The following C2 variants were observed in gnomAD, a reference collection of about 807,000 sequenced individuals.
The protein encoded by C2 is C3/C5 convertase.
Under a neutral mutation model 85.2 loss-of-function variants are expected in C2, and 64 were observed. The ratio of observed to expected loss-of-function variants is 0.75; its 90% CI spans 0.61 to 0.92. The LOEUF is 0.92. C2 is among the 40% of genes least tolerant of loss of function. The pLI, the probability that C2 is intolerant of heterozygous loss-of-function variation, is 0.00. For synonymous variants in C2, 311 were observed against 370.8 expected (o/e 0.84, Z 1.85); for missense variants, 820 against 971.6 (o/e 0.84, Z 2.07).
At chr6:31,902,007 C>G (rs1171371015) in intron 1 of C2, 3 of 147,902 alleles carry the variant, frequency 2.0e-5, no homozygotes, top group African/African-American at 7.4e-5. Context: ...GGGGGAGGGG[C>G]GGGGGCGGCT....
At chr6:31,916,123 A>C (rs1032712979), upstream of C2, among the ~76,000 whole-genome samples, 4 of 152,162 alleles carry the variant, frequency 2.6e-5, no homozygotes, top group African/African-American at 9.7e-5. Flanking sequence ...GGAGGATGGA[A>C]AGGGATGATC....
chr6:31,934,356 C>G, intron 6 of C2, 57 bp downstream of exon 6: 2 of 1,611,182 alleles, frequency 1.2e-6, no homozygotes, highest in Non-Finnish European at 1.7e-6. Flanking sequence ...CTATCTCTCT[C>G]TGTCTCCTTC....
In C2 at chr6:31,935,954, C is replaced by G; in HGVS notation, c.881C>G (p.Ala294Gly). Residue 294 changes from alanine (A) to glycine (G), a missense_variant, in exon 7 of 18, where the codon GCC (alanine) becomes GGC (glycine). Coordinates refer to ENST00000299367, the MANE Select transcript of C2 (RefSeq NM_000063.6). This position sits in a 1 kb window ranked among gnomAD's most constrained non-coding sequence, Gnocchi z 4.3. Reference protein sequence around the residue: ...IFSFEINVSVAIITFASEPKV... With the variant: ...IFSFEINVSVGIITFASEPKV... ...AGCTTTGAGATCAATGTGAGCGTTG[C>G]CATTATCACCTTTGCCTCAGAGCCC... The G allele has an allele frequency of 6.2e-7, 1 of 1,613,016 alleles. No homozygotes were observed. The highest frequency in any genetic ancestry group is 8.5e-7 in the Non-Finnish European group (1 of 1,180,012).
In C2 at chr6:31,943,689, C is replaced by T. The variant is rs140194348; in HGVS notation, c.1613C>T (p.Ala538Val). The change falls in exon 13 of 18, where the codon GCG (alanine) becomes GTG (valine). Residue 538 changes from alanine (A) to valine (V), a missense_variant. Coordinates refer to ENST00000299367, the MANE Select transcript of C2 (RefSeq NM_000063.6). The surrounding 1 kb of genome is among the most constrained non-coding windows in gnomAD (Gnocchi z 6.4). ...QWGKEFLIEK[A>V]VISPGFDVFA... The stretch of plus-strand genomic sequence containing the variant: ...GGCAAAGAATTCCTTATTGAGAAGG[C>T]GGTGATCTCCCCAGGGTTTGATGTC... 143 of 1,612,888 alleles carry T rather than the reference C, an allele frequency of 8.9e-5. 1 individual carries two copies. Among genetic ancestry groups the T allele is most frequent in the Admixed American group, 1.7e-4 (10 of 60,004 alleles).
intron 1 of C2, chr6:31,901,266 C>CGGGCAGCT: frequency 6.2e-7 from 1 of 1,612,472 alleles, no homozygotes; most frequent in Non-Finnish European, 8.5e-7. Flanking sequence ...GCCTCGTGGC[C>CGGGCAGCT]GGGCAGCTGG....
At chr6:31,928,580 C>T in intron 2 of C2, 152 bp from the exon 3 acceptor site, 1 of 754,822 alleles carries the variant, frequency 1.3e-6, no homozygotes, top group South Asian at 1.8e-5. Context: ...TTGCCAAAAA[C>T]AGCAATTTCA....
rs963623180 is a variant in C2, at chr6:31,945,115, G to C, written c.2080-63G>C. 2.5e-5 allele frequency: 41 copies of C among 1,609,742 alleles called. No homozygotes were observed. The highest frequency in any genetic ancestry group is 3.5e-5 in the Non-Finnish European group (41 of 1,177,142). On this transcript the variant is annotated intron_variant, in intron 17 of 17. Coordinates refer to ENST00000299367, the MANE Select transcript of C2 (RefSeq NM_000063.6). This position sits in a 1 kb window ranked among gnomAD's most constrained non-coding sequence, Gnocchi z 5.3. ...TGAGGGAGGCCTTTGAGGGATCTAG[G>C]GAGGTTGGGGCTTACAGTTGGGGCT...
At chr6:31,924,892 C>T (rs1769175508), upstream of C2, among the ~76,000 whole-genome samples, 1 of 152,190 alleles carries the variant, frequency 6.6e-6, no homozygotes. Flanking sequence ...AATTCTATGC[C>T]TCCAGTCTTA....
chr6:31,933,708 C>T lies in C2; in HGVS notation c.541C>T (p.Leu181Phe). The T allele has an allele frequency of 6.2e-7, 1 of 1,613,326 alleles. No individual in the cohort carries two copies. Among genetic ancestry groups the T allele is most frequent in the Non-Finnish European group, 8.5e-7 (1 of 1,180,038 alleles). ...DKVRYRCSSN[L>F]VLTGSSEREC... ...GGTCCGCTATCGCTGCTCCTCGAAT[C>T]TTGTGCTCACGGGGTCTTCGGAGCG... The change falls in exon 4 of 18, where the codon CTT becomes TTT. Residue 181 changes from leucine (L) to phenylalanine (F), a missense_variant. Physicochemically the swap from Leu to Phe is conservative, Grantham distance 22. Coordinates refer to ENST00000299367, the MANE Select transcript of C2 (RefSeq NM_000063.6).
Position 31,933,952 on chromosome 6 carries a change from C to G in C2, c.702C>G (p.Thr234=). ...ACATGCTTGGGGCCACCAATCCCAC[C>G]CAGAAGACAAAGGGTGAGTGTTTGA... ...FSHMLGATNP[T]QKTKESLGRK... is the part of the protein sequence containing the mutation. Residue 234 remains threonine (T), a synonymous_variant, in exon 5 of 18, where the codon ACC becomes ACG. Coordinates refer to ENST00000299367, the MANE Select transcript of C2 (RefSeq NM_000063.6). 6.2e-7 allele frequency: 1 copy of G among 1,613,566 alleles called. No homozygotes were observed. The highest frequency in any genetic ancestry group is 8.5e-7 in the Non-Finnish European group (1 of 1,179,452).
chr6:31,940,594 T>C (rs1389049504), intron 9 of C2, among the ~76,000 whole-genome samples: 1 of 152,162 alleles, frequency 6.6e-6, no homozygotes, highest in Non-Finnish European at 1.5e-5. Context: ...GCTCCTCTCC[T>C]TTCCATTCAC....
chr6:31,939,191 T>C, intron 8 of C2, 40 bp from the exon 9 acceptor site: 1 of 1,425,938 alleles, frequency 7.0e-7, no homozygotes, highest in Non-Finnish European at 9.9e-7. Context: ...GGGGAAATCC[T>C]GATATTACCT....
rs911862268 is a variant in C2, at chr6:31,920,371, A to C, written c.-100+345A>C. Among the ~76,000 whole-genome samples, 10 of 152,164 alleles carry C rather than the reference A, an allele frequency of 6.6e-5. No homozygotes were observed. The highest frequency in any genetic ancestry group is 2.4e-4 in the African/African-American group (10 of 41,430). ...AATATCTCCCCACTCCCCAGGATAA[A>C]GGAAAACATTAGAGAGGAATTTTCA... On this transcript the variant is annotated intron_variant, in intron 1 of 3. Transcript: ENST00000413154. This position sits in a 1 kb window ranked among gnomAD's most constrained non-coding sequence, Gnocchi z 5.6.
rs754558727 is a variant in C2, at chr6:31,944,146, C to T, written c.1822C>T (p.Leu608=). The change falls in exon 15 of 18, where the codon CTG becomes TTG. Residue 608 remains leucine, a synonymous_variant. Transcript: ENST00000299367. The surrounding 1 kb of genome is among the most constrained non-coding windows in gnomAD (Gnocchi z 5.1). ...STCRDHENEL[L]NKQSVPAHFV... ...TCTCTTGACTATAGAGAATGAACTG[C>T]TGAACAAACAGAGTGTTCCTGCTCA... is the stretch of plus-strand genomic sequence containing the variant. 6.2e-7 allele frequency: 1 copy of T among 1,612,312 alleles called. No individual in the cohort carries two copies. Among genetic ancestry groups the T allele is most frequent in the East Asian group, 2.2e-5 (1 of 44,888 alleles).
Position 31,937,336 on chromosome 6 carries a change from G to A in C2, c.1006G>A (p.Gly336Arg). 1 of 1,612,882 alleles carries A rather than the reference G, an allele frequency of 6.2e-7. No homozygotes were observed. The highest frequency in any genetic ancestry group is 2.2e-5 in the East Asian group (1 of 44,854). Residue 336 changes from glycine to arginine, a missense_variant, in exon 8 of 18, where the codon GGG becomes AGG. Gly to Arg is a moderately radical substitution (Grantham distance 125). Coordinates refer to ENST00000299367, the MANE Select transcript of C2 (RefSeq NM_000063.6). ...ANYKDHENGT[G>R]TNTYAALNSV... ...TATTCCAGATCATGAAAATGGAACTGGGACTAACACCTATGCGGCCTTAAA... is the reference window on the plus strand; with the variant it reads ...TATTCCAGATCATGAAAATGGAACTAGGACTAACACCTATGCGGCCTTAAA...
Position 31,933,545 on chromosome 6 carries a change from C to A in C2, c.443-65C>A, listed in dbSNP as rs9332717. ...GGAAGCTTCTGCTGGCAACTGAGGC[C>A]GCTGAGGAGGCAGAGCCTGATGGGA... On this transcript the variant is annotated intron_variant, in intron 3 of 17. Coordinates refer to ENST00000299367, the MANE Select transcript of C2 (RefSeq NM_000063.6). 4 of 1,574,720 alleles carry A rather than the reference C, an allele frequency of 2.5e-6. No homozygotes were observed. The African/African-American group carries it at 5.4e-5, about 21-fold the overall frequency.
At chr6:31,907,841 CT>C (rs9281622) in intron 1 of C2, among the ~76,000 whole-genome samples, 33 of 67,972 alleles carry the variant, frequency 4.9e-4, no homozygotes, top group South Asian at 2.2e-3. Flanking sequence ...CCACTTCTGG[CT>C]TTTTTTTTTT....
intron 1 of C2, among the ~76,000 whole-genome samples, chr6:31,903,114 C>T (rs781239210): frequency 3.3e-5 from 5 of 152,134 alleles, no homozygotes; most frequent in Non-Finnish European, 4.4e-5. Flanking sequence ...TCCACTTCCT[C>T]GTACCTACAC....
intron 1 of C2, among the ~76,000 whole-genome samples, chr6:31,914,234 G>A (rs1414073909): frequency 4.6e-5 from 7 of 151,682 alleles, no homozygotes; most frequent in Non-Finnish European, 1.0e-4. Context: ...TGATATTGTG[G>A]CCTAAAGAGC....
Sources: gnomAD v4.1 joint callset for allele counts (sites outside exome capture counted in the v4.1 genomes callset) on GRCh38, gnomAD v4.1.1 for gene constraint, Gnocchi (gnomAD v3.1) non-coding constraint, MANE v1.5 for transcripts, NCBI Gene and HGNC (gene_info 2026-07-23, HGNC 2026-07-21) for gene names.